MAML2: variants seen among roughly 807,000 people sequenced by gnomAD.
MAML2 encodes mastermind like transcriptional coactivator 2.
MAML2 carries 22 observed loss-of-function variants against 96.1 expected under a neutral mutation model. That is an observed-to-expected ratio of 0.23 (90% CI 0.16 to 0.33). The LOEUF (loss-of-function observed/expected upper bound fraction) is 0.33, where lower values mean the gene tolerates loss of function less well. Among genes scored for constraint, MAML2 ranks in the 10% least tolerant of loss-of-function variants. MAML2 has a pLI of 1.00. For synonymous variants in MAML2, 561 were observed against 521.3 expected (o/e 1.08, Z -1.04); for missense variants, 1,367 against 1,392.4 (o/e 0.98, Z 0.29).
At chr11:96,053,977 A>G (rs1263564654) in intron 2 of MAML2, among the ~76,000 whole-genome samples, 15 of 151,008 alleles carry the variant, frequency 9.9e-5, no homozygotes. Context: ...AGAGCTCTTC[A>G]TGTAAGAAAT....
At chr11:96,300,628 T>C (rs1469821576) in intron 1 of MAML2, among the ~76,000 whole-genome samples, 3 of 152,094 alleles carry the variant, frequency 2.0e-5, no homozygotes, top group Non-Finnish European at 4.4e-5. Flanking sequence ...GGGAAGTTTA[T>C]TTACAATGGA....
chr11:96,119,913 C>T (rs1384906618), intron 1 of MAML2, among the ~76,000 whole-genome samples: 1 of 151,930 alleles, frequency 6.6e-6, no homozygotes, highest in Non-Finnish European at 1.5e-5. Context: ...GTCCCTAATG[C>T]CTACAATAGT....
intron 2 of MAML2, among the ~76,000 whole-genome samples, chr11:96,069,860 T>C (rs186144035): frequency 9.8e-4 from 149 of 151,650 alleles, no homozygotes; most frequent in Middle Eastern, 3.4e-3. Flanking sequence ...CCGTCTCTAC[T>C]AAAAATACAA....
At chr11:95,981,284 C>T (rs1316989201) in intron 4 of MAML2, among the ~76,000 whole-genome samples, 1 of 152,174 alleles carries the variant, frequency 6.6e-6, no homozygotes, top group African/African-American at 2.4e-5. Flanking sequence ...AAGCCACAGG[C>T]TGTGTAATAA....
At chr11:96,209,074 A>C (rs1260992242) in intron 1 of MAML2, among the ~76,000 whole-genome samples, 2 of 152,132 alleles carry the variant, frequency 1.3e-5, no homozygotes, top group Non-Finnish European at 2.9e-5. Context: ...GAATCTATGA[A>C]GTACCCCTAA....
chr11:96,053,829 A>T (rs1859023174), intron 2 of MAML2, among the ~76,000 whole-genome samples: 1 of 152,142 alleles, frequency 6.6e-6, no homozygotes, highest in African/African-American at 2.4e-5. Context: ...GCAAACAGTT[A>T]ACATGTTTGG....
intron 1 of MAML2, among the ~76,000 whole-genome samples, chr11:96,169,612 A>G (rs2135898490): frequency 6.6e-6 from 1 of 152,190 alleles, no homozygotes; most frequent in Non-Finnish European, 1.5e-5. Flanking sequence ...TATTTCTGTT[A>G]TGCCAGCAGA....
Position 96,069,200 on chromosome 11 carries a change from T to C in MAML2, c.2139+22692A>G, listed in dbSNP as rs1211392423. Among the ~76,000 whole-genome samples the C allele has an allele frequency of 3.3e-5, 5 of 152,238 alleles. No individual in the cohort carries two copies. The East Asian group carries it at 9.7e-4, about 29-fold the overall frequency. ...ACCATGGTCTCCCAAAGTGTTGGCA[T>C]TACAAGGGTGAGCCACTGAGTCTGG... is the stretch of plus-strand genomic sequence containing the variant. On this transcript the variant is annotated intron_variant, in intron 2 of 4. Transcript: ENST00000524717.
At chr11:96,084,787 C>T (rs1431574974) in intron 2 of MAML2, among the ~76,000 whole-genome samples, 1 of 152,174 alleles carries the variant, frequency 6.6e-6, no homozygotes, top group Non-Finnish European at 1.5e-5. Context: ...TGTGCTCACC[C>T]ACACAGACCT....
chr11:96,058,451 C>G (rs1332079507), intron 2 of MAML2, among the ~76,000 whole-genome samples: 1 of 152,168 alleles, frequency 6.6e-6, no homozygotes, highest in Non-Finnish European at 1.5e-5. Context: ...TCCTGAGTAA[C>G]TGGGACTACG....
chr11:96,304,177 A>G (rs984604302), intron 1 of MAML2, among the ~76,000 whole-genome samples: 8 of 152,186 alleles, frequency 5.3e-5, no homozygotes, highest in Non-Finnish European at 1.5e-5. Context: ...CACAGTGTAC[A>G]GATTCTGAGG....
intron 1 of MAML2, among the ~76,000 whole-genome samples, chr11:96,095,913 A>G (rs1022370928): frequency 6.6e-6 from 1 of 151,772 alleles, no homozygotes; most frequent in Non-Finnish European, 1.5e-5. Flanking sequence ...TGATTTGCTG[A>G]CTCCTAATCT....
At chr11:96,313,268 C>T (rs941794972) in intron 1 of MAML2, among the ~76,000 whole-genome samples, 1 of 152,126 alleles carries the variant, frequency 6.6e-6, no homozygotes, top group Admixed American at 6.6e-5. Context: ...TTCACAAATC[C>T]CGAGGCATCG....
intron 1 of MAML2, among the ~76,000 whole-genome samples, chr11:96,183,698 C>T (rs889631480): frequency 2.9e-4 from 44 of 152,250 alleles, no homozygotes; most frequent in African/African-American, 9.4e-4. Context: ...GCATAAGCCA[C>T]CACACCCAGC....
At chr11:96,274,245 G>A (rs1862956285) in intron 1 of MAML2, among the ~76,000 whole-genome samples, 1 of 151,914 alleles carries the variant, frequency 6.6e-6, no homozygotes, top group South Asian at 2.1e-4. Flanking sequence ...ACCACGCCCT[G>A]CTAATTTTTT....
chr11:96,341,423 G>T lies in MAML2; in HGVS notation c.473C>A (p.Ala158Asp). The T allele has an allele frequency of 6.5e-7, 1 of 1,546,384 alleles. No homozygotes were observed. The highest frequency in any genetic ancestry group is 8.7e-7 in the Non-Finnish European group (1 of 1,143,908). Residue 158 changes from alanine to aspartate, a missense_variant, in exon 1 of 5, where the codon GCT becomes GAT. Coordinates refer to ENST00000524717, the MANE Select transcript of MAML2 (RefSeq NM_032427.4). Reference sequence around the variant, plus strand: ...GTTCCTCTGGTCCCCTGGGGTTGAAGCGGGCGGCTGCTGCTCTCCGTTTAT... The same window carrying T: ...GTTCCTCTGGTCCCCTGGGGTTGAATCGGGCGGCTGCTGCTCTCCGTTTAT... ...GGINGEQQPP[A>D]STPGDQRNSA... is the part of the protein sequence containing the mutation.
At chr11:96,108,671 T>A (rs933862714) in intron 1 of MAML2, among the ~76,000 whole-genome samples, 6 of 152,128 alleles carry the variant, frequency 3.9e-5, no homozygotes, top group African/African-American at 1.4e-4. Context: ...TGCTATTAAA[T>A]CCTTACAACA....
At chr11:96,067,801 ATTAC>A (rs1449871148) in intron 2 of MAML2, among the ~76,000 whole-genome samples, 1 of 152,196 alleles carries the variant, frequency 6.6e-6, no homozygotes, top group Non-Finnish European at 1.5e-5. Context: ...TCAAACCCAT[ATTAC>A]TTATACATTC....
At chr11:96,086,687 T>C (rs902078876) in intron 2 of MAML2, among the ~76,000 whole-genome samples, 2 of 152,206 alleles carry the variant, frequency 1.3e-5, no homozygotes, top group South Asian at 2.1e-4. Context: ...TCCAGAACTG[T>C]GCTTGGCAAA....
Sources: gnomAD v4.1 joint callset for allele counts (sites outside exome capture counted in the v4.1 genomes callset) on GRCh38, gnomAD v4.1.1 for gene constraint, MANE v1.5 for transcripts, NCBI Gene and HGNC (gene_info 2026-07-23, HGNC 2026-07-21) for gene names.